Variants in CPXM2 observed in about 807,000 individuals in gnomAD.
CPXM2 encodes inactive carboxypeptidase-like protein X2.
CPXM2 carries 66 observed loss-of-function variants against 86.1 expected under a neutral mutation model. The observed-to-expected ratio is 0.77, with a 90% CI of 0.63 to 0.94. The LOEUF (loss-of-function observed/expected upper bound fraction) is 0.94. Among genes scored for constraint, CPXM2 ranks in the 40% least tolerant of loss-of-function variants. The pLI is 0.00. For missense variants in CPXM2, 948 were observed against 1,026.3 expected (o/e 0.92, Z 1.04); for synonymous variants, 388 against 400.2 (o/e 0.97, Z 0.36).
intron 4 of CPXM2, among the ~76,000 whole-genome samples, chr10:123,825,571 C>T (rs1486851897): frequency 6.6e-6 from 1 of 152,194 alleles, no homozygotes; most frequent in African/African-American, 2.4e-5. Flanking sequence ...CATCACAGCA[C>T]TTGAACTAGC....
chr10:123,849,603 A>G (rs1438553337), intron 3 of CPXM2, among the ~76,000 whole-genome samples: 1 of 151,950 alleles, frequency 6.6e-6, no homozygotes, highest in Non-Finnish European at 1.5e-5. Flanking sequence ...TAGTACAGAC[A>G]AGGTTTACCA....
chr10:123,868,477 A>G (rs774142202), intron 2 of CPXM2, among the ~76,000 whole-genome samples: 5 of 152,228 alleles, frequency 3.3e-5, no homozygotes, highest in Non-Finnish European at 7.3e-5. Flanking sequence ...ACTGTCTCGC[A>G]GCCACAGTCC....
chr10:123,835,364 TTCA>T (rs897090853), intron 4 of CPXM2, among the ~76,000 whole-genome samples: 5 of 152,176 alleles, frequency 3.3e-5, no homozygotes, highest in African/African-American at 1.2e-4. Context: ...AGCTCATGCC[TTCA>T]TCATCAACAC....
At chr10:123,818,821 A>G (rs1263478462) in intron 4 of CPXM2, among the ~76,000 whole-genome samples, 2 of 152,188 alleles carry the variant, frequency 1.3e-5, no homozygotes, top group African/African-American at 2.4e-5. Flanking sequence ...CCAGAAGGCC[A>G]TGTATGCTCT....
chr10:123,767,266 G>T, intron 9 of CPXM2, 114 bp from the exon 10 acceptor site: 1 of 907,434 alleles, frequency 1.1e-6, no homozygotes, highest in Non-Finnish European at 1.7e-6. Flanking sequence ...TAAGCCTCTA[G>T]ATGCCCTTTG....
intron 2 of CPXM2, among the ~76,000 whole-genome samples, chr10:123,867,527 CTTTTTTTT>C (rs34482126): frequency 1.1e-5 from 1 of 92,924 alleles, no homozygotes; most frequent in Non-Finnish European, 2.1e-5. Context: ...AGATTTCTTT[CTTTTTTTT>C]TTTTTTTTTT....
At chr10:123,940,200 G>A (rs1185300107) in exon 1 of CPXM2, 1 of 152,340 alleles carries the variant, frequency 6.6e-6, no homozygotes, top group Admixed American at 6.5e-5. Context: ...AAGGTCTGCA[G>A]CCTGATGCTT....
At chr10:123,808,157 C>A (rs6599623) in intron 4 of CPXM2, among the ~76,000 whole-genome samples, 84,524 of 151,964 alleles carry the variant, frequency 0.56, 25,410 homozygotes, top group East Asian at 0.84. Context: ...AAAAAGCTGG[C>A]ATATATTTAG....
chr10:123,769,126 C>A (rs1846565361), intron 8 of CPXM2, among the ~76,000 whole-genome samples: 1 of 152,130 alleles, frequency 6.6e-6, no homozygotes, highest in Non-Finnish European at 1.5e-5. Flanking sequence ...TGAATATAAG[C>A]AGAGAATAGT....
intron 2 of CPXM2, among the ~76,000 whole-genome samples, chr10:123,907,783 A>T (rs72829714): frequency 6.6e-5 from 10 of 151,872 alleles, no homozygotes; most frequent in Non-Finnish European, 4.4e-5. Context: ...CCAGATGTAC[A>T]CTGAAGGCAC....
At chr10:123,920,211 C>G (rs1945569567) in intron 2 of CPXM2, among the ~76,000 whole-genome samples, 1 of 152,050 alleles carries the variant, frequency 6.6e-6, no homozygotes, top group African/African-American at 2.4e-5. Flanking sequence ...TTATTAAAGA[C>G]CAGGGAAACC....
intron 1 of CPXM2, among the ~76,000 whole-genome samples, chr10:123,880,844 A>AAAT (rs1260047550): frequency 2.6e-5 from 4 of 151,322 alleles, no homozygotes; most frequent in Non-Finnish European, 5.9e-5. Context: ...AAAAAAAAAA[A>AAAT]AAAAAAGACT....
chr10:123,798,368 G>A (rs1005922592), intron 5 of CPXM2, among the ~76,000 whole-genome samples: 1 of 152,000 alleles, frequency 6.6e-6, no homozygotes, highest in South Asian at 2.1e-4. Context: ...AAAATCTATC[G>A]GTGTCACGGC....
In CPXM2 at chr10:123,871,076, C is replaced by T. The variant is rs77052812; in HGVS notation, c.404-8353G>A. The stretch of plus-strand genomic sequence containing the variant: ...CTGATATCTGGAGTCAGCCCGGAGC[C>T]TCAGCCTCAAAGGTTCTGACCACCT... On this transcript the variant is annotated intron_variant, in intron 2 of 13. Transcript: ENST00000241305. Among the ~76,000 whole-genome samples, 621 of 152,334 alleles carry T rather than the reference C, an allele frequency of 4.1e-3. 6 individuals carry two copies. Among genetic ancestry groups the T allele is most frequent in the African/African-American group, 0.014 (599 of 41,558 alleles).
chr10:123,772,362 GTGTGGTTATCACCTCCCTGGT>G (rs1846661207), intron 7 of CPXM2, among the ~76,000 whole-genome samples: 1 of 136,712 alleles, frequency 7.3e-6, no homozygotes, highest in South Asian at 2.4e-4. Context: ...ACCTCCCTGG[GTGTGGTTATCACCTCCCTGGT>G]TGTGATCATC....
At chr10:123,914,711 A>T (rs1945520677) in intron 2 of CPXM2, among the ~76,000 whole-genome samples, 2 of 152,144 alleles carry the variant, frequency 1.3e-5, no homozygotes, top group Admixed American at 1.3e-4. Context: ...CTTCCAACGT[A>T]TACCATGTAT....
intron 3 of CPXM2, among the ~76,000 whole-genome samples, chr10:123,861,057 A>G (rs1299169434): frequency 6.6e-6 from 1 of 152,134 alleles, no homozygotes; most frequent in African/African-American, 2.4e-5. Flanking sequence ...GATGCCCCCA[A>G]TCCCATGAGC....
intron 1 of CPXM2, among the ~76,000 whole-genome samples, chr10:123,886,322 T>C (rs1162497137): frequency 6.6e-6 from 1 of 152,130 alleles, no homozygotes. Flanking sequence ...GACATTTCCA[T>C]CCAAAAGCCA....
chr10:123,793,469 A>T (rs1847255175), intron 6 of CPXM2, among the ~76,000 whole-genome samples: 1 of 147,780 alleles, frequency 6.8e-6, no homozygotes, highest in African/African-American at 2.4e-5. Flanking sequence ...TCTCAAAAAA[A>T]AAAAAAAAAA....
Sources: allele counts gnomAD v4.1 joint callset (sites outside exome capture counted in the v4.1 genomes callset), GRCh38; gene constraint gnomAD v4.1.1; transcripts MANE v1.5; gene names NCBI Gene and HGNC (gene_info 2026-07-23, HGNC 2026-07-21).